ACVR1: variants seen among roughly 807,000 people sequenced by gnomAD.
ACVR1 encodes the protein activin receptor type-1.
ACVR1 carries 38 observed loss-of-function variants against 57.1 expected under a neutral mutation model. The observed-to-expected ratio is 0.67, with a 90% CI of 0.51 to 0.87. ACVR1 has a LOEUF of 0.87. Among genes scored for constraint, ACVR1 ranks in the 40% least tolerant of loss-of-function variants. The probability of loss-of-function intolerance (pLI) is 0.00; values close to 1 mark genes in which losing one functional copy is unlikely to be tolerated. For missense variants in ACVR1, 463 were observed against 638.2 expected, an observed-to-expected ratio of 0.73 and a Z score of 2.96; for synonymous variants, 212 against 228.1, an observed-to-expected ratio of 0.93 and a Z score of 0.63.
intron 2 of ACVR1, among the ~76,000 whole-genome samples, chr2:157,816,267 G>T (rs1687929806): frequency 6.6e-6 from 1 of 151,998 alleles, no homozygotes; most frequent in Non-Finnish European, 1.5e-5. Flanking sequence ...TCTATATATG[G>T]CTATACTTTA....
chr2:157,856,257 G>A (rs749038478), intron 1 of ACVR1, among the ~76,000 whole-genome samples: 37 of 152,130 alleles, frequency 2.4e-4, no homozygotes, highest in Middle Eastern at 6.8e-3. Context: ...CCTCATATCC[G>A]TGCGGTCTGC....
At chr2:157,754,561 A>C (rs146461947) in intron 9 of ACVR1, among the ~76,000 whole-genome samples, 4,366 of 152,304 alleles carry the variant, frequency 0.029, 83 homozygotes, top group Non-Finnish European at 0.047. Context: ...AACCAGGAAG[A>C]ATTAGAAACT....
intron 5 of ACVR1, among the ~76,000 whole-genome samples, 199 bp from the exon 6 acceptor site, chr2:157,774,386 C>T (rs774046088): frequency 2.7e-4 from 41 of 152,058 alleles, no homozygotes; most frequent in Non-Finnish European, 5.0e-4. Context: ...TTTTTTGAGA[C>T]GGAGTTTCAC....
chr2:157,762,862 A>G (rs555752371), intron 8 of ACVR1, among the ~76,000 whole-genome samples: 6 of 152,288 alleles, frequency 3.9e-5, no homozygotes, highest in Non-Finnish European at 8.8e-5. Context: ...CATGGCTTTA[A>G]GTGTGTCCTC....
chr2:157,836,173 G>T (rs757635694), intron 1 of ACVR1, among the ~76,000 whole-genome samples: 2 of 152,226 alleles, frequency 1.3e-5, no homozygotes, highest in East Asian at 1.9e-4. Context: ...CTCAGAGCAG[G>T]CTCTCTACTT....
At chr2:157,762,796 A>T (rs566898259) in intron 8 of ACVR1, among the ~76,000 whole-genome samples, 7 of 152,196 alleles carry the variant, frequency 4.6e-5, no homozygotes, top group Admixed American at 3.3e-4. Context: ...TTATAAAGAC[A>T]CTCAAGCAAC....
chr2:157,853,100 G>A (rs1476233926), intron 1 of ACVR1, among the ~76,000 whole-genome samples: 1 of 152,168 alleles, frequency 6.6e-6, no homozygotes, highest in East Asian at 1.9e-4. Context: ...AAATAGAGTA[G>A]CCAAATTATT....
intron 7 of ACVR1, among the ~76,000 whole-genome samples, chr2:157,767,698 G>T (rs1389568644): frequency 6.6e-6 from 1 of 152,054 alleles, no homozygotes; most frequent in Non-Finnish European, 1.5e-5. Context: ...CAACAAGCTG[G>T]TAAGAAAGAC....
intron 1 of ACVR1, among the ~76,000 whole-genome samples, chr2:157,827,492 C>T (rs1299562709): frequency 1.3e-5 from 2 of 152,074 alleles, no homozygotes; most frequent in South Asian, 2.1e-4. Context: ...TAAGTGTTTG[C>T]CAGTCCTGTA....
intron 2 of ACVR1, among the ~76,000 whole-genome samples, chr2:157,804,160 T>A (rs1002240618): frequency 6.6e-6 from 1 of 152,120 alleles, no homozygotes; most frequent in Non-Finnish European, 1.5e-5. Flanking sequence ...GCCTTTGGAG[T>A]TCTTGGACAA....
At chr2:157,740,988 A>T (rs1190529795) in intron 9 of ACVR1, among the ~76,000 whole-genome samples, 1 of 152,222 alleles carries the variant, frequency 6.6e-6, no homozygotes, top group African/African-American at 2.4e-5. Context: ...TCTAACAGTC[A>T]CTACGAACTC....
chr2:157,851,155 A>G (rs887628323), intron 1 of ACVR1, among the ~76,000 whole-genome samples: 1 of 152,180 alleles, frequency 6.6e-6, no homozygotes, highest in Non-Finnish European at 1.5e-5. Context: ...GACCTAGCAA[A>G]CGGAAAGTTA....
chr2:157,874,467 T>C (rs1690213694), intron 1 of ACVR1, among the ~76,000 whole-genome samples: 1 of 152,232 alleles, frequency 6.6e-6, no homozygotes, highest in African/African-American at 2.4e-5. Context: ...ACAAGTCTAG[T>C]GTCTGCTGGC....
intron 1 of ACVR1, among the ~76,000 whole-genome samples, chr2:157,860,591 T>C (rs1429892621): frequency 6.6e-6 from 1 of 152,256 alleles, no homozygotes; most frequent in South Asian, 2.1e-4. Context: ...TATAATATCC[T>C]GCATTTTTCA....
At chr2:157,740,364 G>A (rs1367514694) in intron 9 of ACVR1, among the ~76,000 whole-genome samples, 1 of 152,038 alleles carries the variant, frequency 6.6e-6, no homozygotes, top group East Asian at 1.9e-4. Context: ...TTCTTCTCCT[G>A]TAAGGATCCC....
chr2:157,780,658 T>G, intron 3 of ACVR1, 58 bp from the exon 4 acceptor site: 5 of 1,585,686 alleles, frequency 3.2e-6, no homozygotes, highest in Non-Finnish European at 2.6e-6. Context: ...CCGTATGAGT[T>G]TCACCTTCAT....
At chr2:157,819,684 T>C (rs2105331014) in intron 1 of ACVR1, among the ~76,000 whole-genome samples, 1 of 152,244 alleles carries the variant, frequency 6.6e-6, no homozygotes, top group East Asian at 1.9e-4. Context: ...TAGACAGATC[T>C]GGTTCAAAGG....
intron 2 of ACVR1, among the ~76,000 whole-genome samples, chr2:157,803,970 G>A (rs1326624075): frequency 6.6e-6 from 1 of 151,754 alleles, no homozygotes; most frequent in Non-Finnish European, 1.5e-5. Flanking sequence ...TGAGAAAAGT[G>A]GCATTGTTTT....
intron 1 of ACVR1, among the ~76,000 whole-genome samples, chr2:157,833,422 G>C (rs1688655958): frequency 6.6e-6 from 1 of 152,184 alleles, no homozygotes; most frequent in Admixed American, 6.5e-5. Context: ...GGTGGAAATG[G>C]AGGATGGCCA....
Sources: gnomAD v4.1 joint callset for allele counts (sites outside exome capture counted in the v4.1 genomes callset) on GRCh38, gnomAD v4.1.1 for gene constraint, MANE v1.5 for transcripts, NCBI Gene and HGNC (gene_info 2026-07-23, HGNC 2026-07-21) for gene names.